The following APLF variants were observed in gnomAD, a reference collection of about 807,000 sequenced individuals.
APLF encodes aprataxin and PNK-like factor.
A neutral mutation model predicts 55.6 loss-of-function variants in APLF; 61 were observed. The observed-to-expected ratio is 1.10, with a 90% CI of 0.89 to 1.36. APLF has a LOEUF of 1.36. Ranked by LOEUF, APLF falls within the 40% of genes most tolerant of loss-of-function variation. The probability of loss-of-function intolerance (pLI) is 0.00; values close to 1 mark genes in which losing one functional copy is unlikely to be tolerated. For synonymous variants in APLF, 207 were observed against 214.8 expected, an observed-to-expected ratio of 0.96 and a Z score of 0.32; for missense variants, 611 against 602.5, an observed-to-expected ratio of 1.01 and a Z score of -0.15.
chr2:68,475,034 A>G (rs1675730155), intron 1 of APLF, among the ~76,000 whole-genome samples: 1 of 152,240 alleles, frequency 6.6e-6, no homozygotes, highest in Non-Finnish European at 1.5e-5. Context: ...AACTACTTCT[A>G]GACACACTAA....
chr2:68,515,224 C>A (rs1669544989), intron 5 of APLF, among the ~76,000 whole-genome samples: 1 of 151,584 alleles, frequency 6.6e-6, no homozygotes, highest in African/African-American at 2.4e-5. Context: ...AAGCCTAAGA[C>A]TTTTGCAGTA....
At chr2:68,516,288 TG>T (rs1419862576) in intron 5 of APLF, among the ~76,000 whole-genome samples, 1 of 151,768 alleles carries the variant, frequency 6.6e-6, no homozygotes, top group African/African-American at 2.4e-5. Flanking sequence ...GGTTTTTGTT[TG>T]CCTTTTTTGA....
chr2:68,531,795 G>A (rs1307560145), intron 6 of APLF, among the ~76,000 whole-genome samples: 1 of 152,150 alleles, frequency 6.6e-6, no homozygotes, highest in Non-Finnish European at 1.5e-5. Context: ...CATAAGGTTT[G>A]ATAATCACAA....
At chr2:68,506,811 A>C (rs919541813) in intron 3 of APLF, among the ~76,000 whole-genome samples, 5 of 152,024 alleles carry the variant, frequency 3.3e-5, no homozygotes, top group Non-Finnish European at 7.4e-5. Flanking sequence ...CTATAACTAT[A>C]TGAAAGAGAA....
In APLF at chr2:68,579,165, T is replaced by G. The variant is rs1359320806; in HGVS notation, c.*1143T>G. The G allele has an allele frequency of 1.3e-6, 1 of 783,594 alleles. No homozygotes were observed. Among genetic ancestry groups the G allele is most frequent in the Non-Finnish European group, 1.5e-6 (1 of 646,336 alleles). The allele number at this position is 783,594 out of a possible 1,614,324, so 48.5% of individuals were successfully genotyped here. A position where few individuals can be genotyped will look rare whatever the true frequency, so the allele number is the denominator to read the frequency against. ...TTATATCTTAAAAGATCAAAACATATTTATAATAATATTTTCTCATTGCTT... is the reference window on the plus strand; with the variant it reads ...TTATATCTTAAAAGATCAAAACATAGTTATAATAATATTTTCTCATTGCTT... On this transcript the variant is annotated 3_prime_UTR_variant, in exon 10 of 10. Coordinates refer to ENST00000303795, the MANE Select transcript of APLF (RefSeq NM_173545.3).
intron 7 of APLF, among the ~76,000 whole-genome samples, chr2:68,544,933 A>G (rs1024074615): frequency 2.0e-5 from 3 of 152,190 alleles, no homozygotes; most frequent in South Asian, 4.1e-4. Context: ...CAAGTTGTCT[A>G]TTGATATCAT....
chr2:68,491,720 G>A (rs535583096), intron 2 of APLF, among the ~76,000 whole-genome samples: 39 of 152,208 alleles, frequency 2.6e-4, no homozygotes, highest in African/African-American at 8.2e-4. Flanking sequence ...TAGTGTAACC[G>A]TCACCTGAAT....
At chr2:68,470,078 A>T (rs896596440) in intron 1 of APLF, among the ~76,000 whole-genome samples, 1 of 152,200 alleles carries the variant, frequency 6.6e-6, no homozygotes, top group Admixed American at 6.5e-5. Context: ...CTTTGCTTTC[A>T]TGTGAGTCAT....
At chr2:68,482,197 C>G (rs995680243) in intron 1 of APLF, among the ~76,000 whole-genome samples, 1 of 151,108 alleles carries the variant, frequency 6.6e-6, no homozygotes, top group African/African-American at 2.4e-5. Flanking sequence ...ATCTGCTCAT[C>G]TGGTGGAATA....
intron 2 of APLF, among the ~76,000 whole-genome samples, chr2:68,494,106 C>G (rs995462268): frequency 7.5e-5 from 11 of 145,730 alleles, no homozygotes. Context: ...AGACTCCGTC[C>G]CAAAAGAGAA....
intron 1 of APLF, among the ~76,000 whole-genome samples, chr2:68,474,882 G>T (rs1675724587): frequency 6.6e-6 from 1 of 152,144 alleles, no homozygotes; most frequent in Non-Finnish European, 1.5e-5. Flanking sequence ...TGATCAGGCT[G>T]GTCTCGAACT....
At chr2:68,571,314 C>A (rs1671455962) in intron 9 of APLF, among the ~76,000 whole-genome samples, 1 of 152,104 alleles carries the variant, frequency 6.6e-6, no homozygotes, top group South Asian at 2.1e-4. Flanking sequence ...TCCCATTTGT[C>A]AATTTTGGCT....
intron 1 of APLF, among the ~76,000 whole-genome samples, chr2:68,482,655 C>A (rs1676000052): frequency 6.6e-6 from 1 of 152,140 alleles, no homozygotes; most frequent in Non-Finnish European, 1.5e-5. Context: ...GTCTGGCTTA[C>A]TGAGGAAAGA....
Position 68,526,289 on chromosome 2 carries a change from T to TTAGA in APLF, c.804+52_804+55dup, listed in dbSNP as rs200252250. Reference sequence around the variant, plus strand: ...TTTGATTGTTTTTTTGTTAGGTGTTTTAGATAGAAATTAATCATATGCTAT... The same window carrying TTAGA: ...TTTGATTGTTTTTTTGTTAGGTGTTTTAGATAGATAGAAATTAATCATATGCTAT... On this transcript the variant is annotated intron_variant, in intron 6 of 9. Transcript: ENST00000303795. The TTAGA allele has an allele frequency of 2.5e-4, 396 of 1,563,806 alleles. 5 individuals are homozygous for TTAGA. The East Asian group carries it at 7.7e-3, about 30-fold the overall frequency.
chr2:68,485,795 C>T (rs1676145341), intron 1 of APLF, among the ~76,000 whole-genome samples: 1 of 147,468 alleles, frequency 6.8e-6, no homozygotes, highest in Non-Finnish European at 1.5e-5. Flanking sequence ...CATATGGAAT[C>T]TTTTTTATTA....
chr2:68,515,557 T>A, intron 5 of APLF: 1 of 977,402 alleles, frequency 1.0e-6, no homozygotes, highest in Non-Finnish European at 1.2e-6. Flanking sequence ...TGTATTTCAT[T>A]TCAAATACGT....
In APLF at chr2:68,578,050, T is replaced by G. The variant is rs1671666966; in HGVS notation, c.*28T>G. The G allele has an allele frequency of 6.3e-7, 1 of 1,592,160 alleles. No individual in the cohort carries two copies. Among genetic ancestry groups the G allele is most frequent in the Admixed American group, 1.8e-5 (1 of 56,958 alleles). On this transcript the variant is annotated 3_prime_UTR_variant, in exon 10 of 10. Transcript: ENST00000303795. ...ACTAACTTCTGTAGTCATATCTGCC[T>G]TACATTTACTTTTTCTTTGTGGGAA...
At position 68,513,528 on chromosome 2, in the gene APLF, A is replaced by G. The variant is rs745796137; in HGVS notation, c.490-20A>G. On this transcript the variant is annotated intron_variant, in intron 4 of 9. Coordinates refer to ENST00000303795, the MANE Select transcript of APLF (RefSeq NM_173545.3). ...TCAAGATGTGTGATTATTTTTAGTAATTTATAGGTGTCTTTTTAGTCTTTC... is the reference window on the plus strand; with the variant it reads ...TCAAGATGTGTGATTATTTTTAGTAGTTTATAGGTGTCTTTTTAGTCTTTC... The G allele has an allele frequency of 5.6e-6, 9 of 1,606,498 alleles. No individual in the cohort carries two copies. The Admixed American group carries it at 1.0e-4, about 18-fold the overall frequency.
chr2:68,570,865 T>G lies in APLF; in HGVS notation c.1333+3478T>G, dbSNP rs186408519. 6.5e-3 allele frequency among the ~76,000 whole-genome samples: 984 copies of G among 152,248 alleles called. 7 individuals are homozygous for G. Among genetic ancestry groups the G allele is most frequent in the African/African-American group, 0.023 (939 of 41,542 alleles). On this transcript the variant is annotated intron_variant, in intron 9 of 9. Coordinates refer to ENST00000303795, the MANE Select transcript of APLF (RefSeq NM_173545.3). Reference sequence around the variant, plus strand: ...TTCTAGTTCTAGATCCCTGAGGAATTGCCACACTGTCTTCCACAATGGTTG... The same window carrying G: ...TTCTAGTTCTAGATCCCTGAGGAATGGCCACACTGTCTTCCACAATGGTTG...
Sources: gnomAD v4.1 joint callset for allele counts (sites outside exome capture counted in the v4.1 genomes callset) on GRCh38, gnomAD v4.1.1 for gene constraint, MANE v1.5 for transcripts, NCBI Gene and HGNC (gene_info 2026-07-23, HGNC 2026-07-21) for gene names.